Variants in ZFAT observed in about 807,000 individuals in gnomAD.
ZFAT encodes the protein zinc finger and AT-hook domain containing.
Under a neutral mutation model 117.7 loss-of-function variants are expected in ZFAT, and 64 were observed. The ratio of observed to expected loss-of-function variants is 0.54; its 90% CI spans 0.44 to 0.67. ZFAT has a LOEUF of 0.67. Ranked by LOEUF, ZFAT falls within the 30% of genes least tolerant of loss-of-function variation. The probability of loss-of-function intolerance (pLI) is 0.00; values close to 1 mark genes in which losing one functional copy is unlikely to be tolerated. For missense variants in ZFAT, 1,433 were observed against 1,584.5 expected (o/e 0.90, Z 1.62); for synonymous variants, 679 against 615.0 (o/e 1.10, Z -1.54).
the ZFAT span, chr8:134,784,889 T>C: frequency 6.6e-6 from 1 of 152,156 alleles, no homozygotes; most frequent in Non-Finnish European, 1.5e-5. Flanking sequence ...AACACATCAA[T>C]GTGATTTCCA....
chr8:134,542,781 A>T (rs1343707712), intron 11 of ZFAT, among the ~76,000 whole-genome samples: 1 of 152,142 alleles, frequency 6.6e-6, no homozygotes, highest in Non-Finnish European at 1.5e-5. Flanking sequence ...GGGCAGGGGA[A>T]GGAGAGCATG....
the ZFAT span, among the ~76,000 whole-genome samples, chr8:134,762,018 G>A: frequency 2.6e-5 from 4 of 151,626 alleles, no homozygotes; most frequent in African/African-American, 4.9e-5. Context: ...GTGTGCAAAT[G>A]TGTGCTTTCC....
the ZFAT span, among the ~76,000 whole-genome samples, chr8:134,742,910 C>G: frequency 5.9e-5 from 9 of 152,340 alleles, no homozygotes; most frequent in African/African-American, 2.2e-4. Context: ...CAGCGCCTCA[C>G]CCAGAGGTCT....
In ZFAT at chr8:134,532,827, C is replaced by A; in HGVS notation, c.3115+7G>T. On this transcript the variant is annotated splice_region_variant and intron_variant, in intron 12 of 15. Transcript: ENST00000377838. The stretch of plus-strand genomic sequence containing the variant: ...GCAGGGCCCCAGCTCGCTGGCCCCT[C>A]GCCTACCTTGCTGGATGAGCACCTC... 3 of 1,609,358 alleles carry A rather than the reference C, an allele frequency of 1.9e-6. No individual in the cohort carries two copies. Among genetic ancestry groups the A allele is most frequent in the Non-Finnish European group, 1.7e-6 (2 of 1,178,372 alleles).
At chr8:134,772,523 G>A in the ZFAT span, among the ~76,000 whole-genome samples, 1 of 152,192 alleles carries the variant, frequency 6.6e-6, no homozygotes, top group African/African-American at 2.4e-5. Context: ...GAAAGCTGCA[G>A]AAGTAAAGTT....
At chr8:134,676,704 C>A (rs1271381453) in intron 1 of ZFAT, among the ~76,000 whole-genome samples, 3 of 152,292 alleles carry the variant, frequency 2.0e-5, no homozygotes, top group South Asian at 2.1e-4. Flanking sequence ...AAGTAAAACA[C>A]TCCTCAGCAA....
chr8:134,759,781 GC>G, the ZFAT span, among the ~76,000 whole-genome samples: 1 of 151,896 alleles, frequency 6.6e-6, no homozygotes. Context: ...TTTGAGACTA[GC>G]CTGGCCAACA....
intron 7 of ZFAT, chr8:134,598,318 C>T (rs1274143560): frequency 6.6e-6 from 1 of 152,426 alleles, no homozygotes; most frequent in African/African-American, 2.4e-5. Flanking sequence ...AGGATAAAGA[C>T]AGCAGCTGTT....
chr8:134,744,949 T>C, the ZFAT span, among the ~76,000 whole-genome samples: 1 of 151,484 alleles, frequency 6.6e-6, no homozygotes, highest in East Asian at 2.0e-4. Context: ...CAGGATGGTC[T>C]CGATCGCCTG....
At chr8:134,499,914 TAGG>T (rs1414074345) in intron 15 of ZFAT, among the ~76,000 whole-genome samples, 1 of 152,008 alleles carries the variant, frequency 6.6e-6, no homozygotes, top group East Asian at 1.9e-4. Flanking sequence ...ACCAGATGGA[TAGG>T]AGGAGTAGGA....
intron 11 of ZFAT, among the ~76,000 whole-genome samples, chr8:134,556,423 A>G (rs1823627898): frequency 6.6e-6 from 1 of 152,082 alleles, no homozygotes; most frequent in Non-Finnish European, 1.5e-5. Flanking sequence ...GAAAGAGATA[A>G]TGGTTGAGAA....
chr8:134,769,230 A>C, the ZFAT span, among the ~76,000 whole-genome samples: 1 of 152,172 alleles, frequency 6.6e-6, no homozygotes, highest in East Asian at 1.9e-4. Flanking sequence ...AGATAAGGCA[A>C]GTCCCTTTCA....
At chr8:134,486,393 C>T (rs897338725) in intron 15 of ZFAT, among the ~76,000 whole-genome samples, 6 of 152,276 alleles carry the variant, frequency 3.9e-5, no homozygotes, top group East Asian at 1.9e-4. Context: ...CTGTCACCGT[C>T]GCCACCACCA....
intron 1 of ZFAT, among the ~76,000 whole-genome samples, chr8:134,666,774 C>G (rs1330195979): frequency 6.6e-6 from 1 of 151,934 alleles, no homozygotes; most frequent in African/African-American, 2.4e-5. Flanking sequence ...GGGACTGTAA[C>G]AAAAGATTAA....
intron 6 of ZFAT, 161 bp from the exon 7 acceptor site, chr8:134,600,829 T>C: frequency 3.1e-6 from 2 of 644,076 alleles, no homozygotes; most frequent in Non-Finnish European, 5.0e-6. Flanking sequence ...AAAATTACTC[T>C]TCAAAGGTGG....
chr8:134,769,605 C>T, the ZFAT span, among the ~76,000 whole-genome samples: 3 of 151,910 alleles, frequency 2.0e-5, no homozygotes, highest in Admixed American at 6.6e-5. Context: ...ATCTACCATT[C>T]TAGGGTCTGG....
chr8:134,674,082 T>C (rs768796547), intron 1 of ZFAT, among the ~76,000 whole-genome samples: 7 of 152,180 alleles, frequency 4.6e-5, no homozygotes, highest in Non-Finnish European at 1.0e-4. Context: ...TTCATCATAT[T>C]CAGTCTGGTT....
chr8:134,824,788 C>T, the ZFAT span, among the ~76,000 whole-genome samples: 1 of 152,068 alleles, frequency 6.6e-6, no homozygotes, highest in Non-Finnish European at 1.5e-5. Context: ...ATAAAAATTA[C>T]CAGCTTTTTC....
At chr8:134,662,672 T>A (rs1563740706) in intron 1 of ZFAT, among the ~76,000 whole-genome samples, 1 of 152,214 alleles carries the variant, frequency 6.6e-6, no homozygotes, top group African/African-American at 2.4e-5. Context: ...GACAAATGAC[T>A]TTTACCAGCT....
Sources: allele counts gnomAD v4.1 joint callset (sites outside exome capture counted in the v4.1 genomes callset), GRCh38; gene constraint gnomAD v4.1.1; transcripts MANE v1.5; gene names NCBI Gene and HGNC (gene_info 2026-07-23, HGNC 2026-07-21).